The following TPTE variants were observed in gnomAD, a reference collection of about 807,000 sequenced individuals.
TPTE encodes the protein putative tyrosine-protein phosphatase TPTE.
In TPTE, 59 loss-of-function variants were observed where a neutral mutation model predicts 84.1. The ratio of observed to expected loss-of-function variants is 0.70; its 90% CI spans 0.57 to 0.87. The LOEUF is 0.87. Ranked by LOEUF, TPTE falls within the 40% of genes least tolerant of loss-of-function variation. The pLI, the probability that TPTE is intolerant of heterozygous loss-of-function variation, is 0.00. For synonymous variants in TPTE, 130 were observed against 223.5 expected, an observed-to-expected ratio of 0.58 and a Z score of 3.73; for missense variants, 382 against 659.6, an observed-to-expected ratio of 0.58 and a Z score of 4.61.
Position 10,601,954 on chromosome 21 carries a change from C to G in TPTE, c.1357-104C>G, listed in dbSNP as rs10433268. On this transcript the variant is annotated intron_variant, in intron 21 of 23. Transcript: ENST00000618007. ...TGTATGTAGTGATTGGGCTGTGAGA[C>G]CAAAAGTACTTGATAAATACAGGAA... The G allele has an allele frequency of 2.1e-3, 2,703 of 1,315,492 alleles. No individual in the cohort carries two copies. The East Asian group carries it at 0.05, about 25-fold the overall frequency. 81.5% of individuals were successfully genotyped at this position (1,315,492 alleles called of 1,614,324 possible).
At chr21:10,534,766 A>G (rs529956556) in intron 3 of TPTE, among the ~76,000 whole-genome samples, 2 of 152,420 alleles carry the variant, frequency 1.3e-5, no homozygotes, top group East Asian at 1.9e-4. Context: ...CAGCTTCTGT[A>G]TGTAACATCC....
At chr21:10,564,310 G>C (rs2074871014) in intron 10 of TPTE, among the ~76,000 whole-genome samples, 1 of 152,304 alleles carries the variant, frequency 6.6e-6, no homozygotes, top group South Asian at 2.1e-4. Flanking sequence ...AGGAGTTCGA[G>C]ACCAGCCTGG....
intron 19 of TPTE, among the ~76,000 whole-genome samples, chr21:10,595,027 AGTTTTGTTTT>A (rs763601675): frequency 7.9e-5 from 12 of 152,298 alleles, no homozygotes; most frequent in African/African-American, 2.4e-4. Flanking sequence ...TGAACTTATG[AGTTTTGTTTT>A]GTTTTGTTTT....
intron 3 of TPTE, among the ~76,000 whole-genome samples, chr21:10,538,372 T>C (rs1487081869): frequency 6.6e-6 from 1 of 152,306 alleles, no homozygotes; most frequent in African/African-American, 2.4e-5. Context: ...GCTGACTACC[T>C]CCACACAAAA....
intron 3 of TPTE, among the ~76,000 whole-genome samples, chr21:10,533,898 C>T (rs1487262318): frequency 3.3e-5 from 5 of 152,312 alleles, no homozygotes; most frequent in African/African-American, 9.6e-5. Flanking sequence ...TGCAAGCTGG[C>T]AATGTGGCCA....
At position 10,557,552 on chromosome 21, in the gene TPTE, T is replaced by C. The variant is rs2074708069; in HGVS notation, c.234-1942T>C. 2.0e-5 allele frequency among the ~76,000 whole-genome samples: 3 copies of C among 152,420 alleles called. No individual in the cohort carries two copies. In the South Asian group the frequency reaches 6.2e-4, roughly 32 times the overall value. On this transcript the variant is annotated intron_variant, in intron 8 of 23. Coordinates refer to ENST00000618007, the MANE Select transcript of TPTE (RefSeq NM_199261.4). The stretch of plus-strand genomic sequence containing the variant: ...GACTGTGTGGGATCAGAGGTTCTTG[T>C]AGTAAGGGAATGGCAACTTGAGGAG...
chr21:10,565,524 G>A, intron 10 of TPTE, among the ~76,000 whole-genome samples: 1 of 152,426 alleles, frequency 6.6e-6, no homozygotes, highest in Non-Finnish European at 1.5e-5. Flanking sequence ...TTTATATGGA[G>A]CCACAAAAGA....
In TPTE at chr21:10,541,133, G is replaced by A. The variant is rs757219554; in HGVS notation, c.33G>A (p.Ala11=). MNESPDPTDL[A]GVIIELGPND... ...TTAGTCCTGATCCGACTGACCTGGCGGGAGTCATCATTGAGCTCGGCCCCA... is the reference window on the plus strand; with the variant it reads ...TTAGTCCTGATCCGACTGACCTGGCAGGAGTCATCATTGAGCTCGGCCCCA... Residue 11 remains alanine, a synonymous_variant, in exon 5 of 24, where the codon GCG becomes GCA. Transcript: ENST00000618007. 22 of 1,613,176 alleles carry A rather than the reference G, an allele frequency of 1.4e-5. No individual in the cohort carries two copies. Among genetic ancestry groups the A allele is most frequent in the African/African-American group, 2.7e-5 (2 of 74,934 alleles).
chr21:10,566,989 A>G (rs2145693864), intron 10 of TPTE, among the ~76,000 whole-genome samples: 1 of 152,412 alleles, frequency 6.6e-6, no homozygotes, highest in Admixed American at 6.5e-5. Flanking sequence ...AAAAAAAAAA[A>G]AAAAAATACT....
At chr21:10,598,284 C>T (rs1201066871) in intron 21 of TPTE, among the ~76,000 whole-genome samples, 190 bp downstream of exon 21, 1 of 152,306 alleles carries the variant, frequency 6.6e-6, no homozygotes. Context: ...TTGTTCAAAA[C>T]AGTTTTTTCA....
At chr21:10,563,276 A>G (rs1213485798) in intron 10 of TPTE, among the ~76,000 whole-genome samples, 335 of 152,154 alleles carry the variant, frequency 2.2e-3, no homozygotes, top group African/African-American at 7.8e-3. Context: ...AATCAGAAAG[A>G]TAAGGACATT....
chr21:10,590,149 A>G (rs1485928448), intron 17 of TPTE, among the ~76,000 whole-genome samples: 1 of 152,310 alleles, frequency 6.6e-6, no homozygotes, highest in Non-Finnish European at 1.5e-5. Flanking sequence ...TTTCTTTTTT[A>G]CTATTATCCA....
At position 10,605,619 on chromosome 21, in the gene TPTE, A is replaced by T; in HGVS notation, c.*67A>T. 1 of 1,607,834 alleles carries T rather than the reference A, an allele frequency of 6.2e-7. No individual in the cohort carries two copies. The highest frequency in any genetic ancestry group is 8.5e-7 in the Non-Finnish European group (1 of 1,178,142). ...TTCCAACCCTGCCACATGTTCATAT[A>T]TCCTAAATCTATCCTAAATGTTCCT... is the stretch of plus-strand genomic sequence containing the variant. On this transcript the variant is annotated 3_prime_UTR_variant, in exon 24 of 24. Coordinates refer to ENST00000618007, the MANE Select transcript of TPTE (RefSeq NM_199261.4).
intron 1 of TPTE, among the ~76,000 whole-genome samples, chr21:10,522,854 T>C (rs1481480600): frequency 6.6e-6 from 1 of 152,310 alleles, no homozygotes. Context: ...CTTAAACATT[T>C]ACCATGTCTT....
chr21:10,531,636 A>G (rs1444730293), intron 3 of TPTE, among the ~76,000 whole-genome samples: 3 of 152,310 alleles, frequency 2.0e-5, no homozygotes, highest in Non-Finnish European at 4.4e-5. Context: ...AGTTTGAGAC[A>G]TTGAAGTTAT....
intron 1 of TPTE, among the ~76,000 whole-genome samples, chr21:10,523,070 CTG>C (rs2074012144): frequency 6.6e-6 from 1 of 152,302 alleles, no homozygotes; most frequent in Admixed American, 6.5e-5. Context: ...GAGAGCATAA[CTG>C]AGCCCTCTGG....
intron 23 of TPTE, among the ~76,000 whole-genome samples, chr21:10,604,309 GT>G (rs1978996749): frequency 6.6e-6 from 1 of 152,308 alleles, no homozygotes; most frequent in Non-Finnish European, 1.5e-5. Context: ...CATTTGTTTT[GT>G]GATGGTGAAA....
chr21:10,531,218 C>A lies in TPTE; in HGVS notation c.-44+3806C>A, dbSNP rs553885238. Among the ~76,000 whole-genome samples, 8 of 152,420 alleles carry A rather than the reference C, an allele frequency of 5.2e-5. No individual in the cohort carries two copies. The East Asian group carries it at 1.5e-3, about 29-fold the overall frequency. ...CCCAAACCGTATGTTGAAATTTGATCCCCAATGTCGGAGGTGGGGCCTAAT... is the reference window on the plus strand; with the variant it reads ...CCCAAACCGTATGTTGAAATTTGATACCCAATGTCGGAGGTGGGGCCTAAT... On this transcript the variant is annotated intron_variant, in intron 3 of 23. Coordinates refer to ENST00000618007, the MANE Select transcript of TPTE (RefSeq NM_199261.4).
intron 11 of TPTE, among the ~76,000 whole-genome samples, chr21:10,568,993 A>C (rs1386453291): frequency 6.6e-6 from 1 of 152,312 alleles, no homozygotes; most frequent in African/African-American, 2.4e-5. Flanking sequence ...AATAACAAAG[A>C]TGAACAAGAA....
Sources: gnomAD v4.1 joint callset for allele counts (sites outside exome capture counted in the v4.1 genomes callset) on GRCh38, gnomAD v4.1.1 for gene constraint, MANE v1.5 for transcripts, NCBI Gene and HGNC (gene_info 2026-07-23, HGNC 2026-07-21) for gene names.